Variants in DENND6A observed in about 807,000 individuals in gnomAD.
The protein encoded by DENND6A is protein DENND6A.
Under a neutral mutation model 95.5 loss-of-function variants are expected in DENND6A, and 43 were observed. The observed-to-expected ratio is 0.45, with a 90% CI of 0.35 to 0.58. DENND6A has a LOEUF of 0.58. DENND6A is among the 20% of genes least tolerant of loss of function. The pLI is 0.00. For missense variants in DENND6A, 574 were observed against 736.0 expected, an observed-to-expected ratio of 0.78 and a Z score of 2.55; for synonymous variants, 257 against 260.4, an observed-to-expected ratio of 0.99 and a Z score of 0.13.
intron 17 of DENND6A, 91 bp downstream of exon 17, chr3:57,630,624 T>G: frequency 6.5e-7 from 1 of 1,530,636 alleles, no homozygotes; most frequent in East Asian, 2.3e-5. Context: ...TTAGTAGAAT[T>G]TTTTAAAAAG....
intron 15 of DENND6A, among the ~76,000 whole-genome samples, chr3:57,632,043 C>T (rs1373184873): frequency 1.1e-5 from 1 of 93,664 alleles, no homozygotes; most frequent in African/African-American, 4.2e-5. Context: ...TTTTTTGAGA[C>T]GGAGTCTCAC....
chr3:57,662,191 T>C (rs952349450), intron 5 of DENND6A, among the ~76,000 whole-genome samples: 13 of 122,796 alleles, frequency 1.1e-4, no homozygotes, highest in Non-Finnish European at 1.4e-4. Flanking sequence ...TTTTCTTTTT[T>C]TTTTTTTTTT....
In DENND6A at chr3:57,663,620, T is replaced by G. The variant is rs910126483; in HGVS notation, c.513+16A>C. On this transcript the variant is annotated intron_variant, in intron 5 of 19. Coordinates refer to ENST00000311128, the MANE Select transcript of DENND6A (RefSeq NM_152678.3). ...AAATAAAAAATACTTTTTTTATTAG[T>G]GTGTATGACAATTACCTTCTGAAAG... is the stretch of plus-strand genomic sequence containing the variant. 6.5e-6 allele frequency: 10 copies of G among 1,537,634 alleles called. No homozygotes were observed. Among genetic ancestry groups the G allele is most frequent in the Non-Finnish European group, 3.5e-6 (4 of 1,135,104 alleles).
rs1300265268 is a variant in DENND6A, at chr3:57,628,213, A to G, written c.*1T>C. ...TTTTGGCTGGAAAATCTTGGCAAATATCATGTCATGCCCGTTTTGAGCAGT... is the reference window on the plus strand; with the variant it reads ...TTTTGGCTGGAAAATCTTGGCAAATGTCATGTCATGCCCGTTTTGAGCAGT... On this transcript the variant is annotated 3_prime_UTR_variant, in exon 20 of 20. Coordinates refer to ENST00000311128, the MANE Select transcript of DENND6A (RefSeq NM_152678.3). 1.9e-6 allele frequency: 3 copies of G among 1,611,316 alleles called. No homozygotes were observed. The Admixed American group carries it at 5.1e-5, about 27-fold the overall frequency.
intron 1 of DENND6A, among the ~76,000 whole-genome samples, chr3:57,672,870 T>C (rs1167632586): frequency 6.6e-6 from 1 of 151,920 alleles, no homozygotes; most frequent in Non-Finnish European, 1.5e-5. Context: ...TCAGAAATAG[T>C]TCACAGATGC....
At chr3:57,664,081 A>G (rs977208239) in intron 4 of DENND6A, among the ~76,000 whole-genome samples, 3 of 152,216 alleles carry the variant, frequency 2.0e-5, no homozygotes, top group African/African-American at 7.2e-5. Context: ...ATTCGTATCT[A>G]TACTAGGTGA....
chr3:57,633,157 A>G, intron 15 of DENND6A, 108 bp downstream of exon 15: 1 of 901,262 alleles, frequency 1.1e-6, no homozygotes, highest in Non-Finnish European at 1.7e-6. Context: ...TAAATATACC[A>G]GGCTGGCAAA....
Position 57,630,945 on chromosome 3 carries a change from T to G in DENND6A, c.1387A>C (p.Lys463Gln), listed in dbSNP as rs1384906699. Reference sequence around the variant, plus strand: ...CATACCTTCCATGGGGAAATACTTTTCTGCAAAGGCATCAAGCTTGCCACA... The same window carrying G: ...CATACCTTCCATGGGGAAATACTTTGCTGCAAAGGCATCAAGCTTGCCACA... ...RYVASLMPLQ[K>Q]SISPWKSPPQ... The change falls in exon 16 of 20, where the codon AAA becomes CAA. Residue 463 changes from lysine to glutamine, a missense_variant. By Grantham distance (53) the Lys-to-Gln change is moderately conservative. Around this residue, in one of 2 missense-constraint regions of DENND6A, gnomAD observed 452 missense variants for 630.9 expected, o/e 0.72. Transcript: ENST00000311128. 6.2e-7 allele frequency: 1 copy of G among 1,613,526 alleles called. No individual in the cohort carries two copies. Among genetic ancestry groups the G allele is most frequent in the Admixed American group, 1.7e-5 (1 of 59,874 alleles).
chr3:57,638,479 G>A (rs974217631), intron 12 of DENND6A, among the ~76,000 whole-genome samples: 1 of 151,184 alleles, frequency 6.6e-6, no homozygotes, highest in Non-Finnish European at 1.5e-5. Flanking sequence ...CCAACATGGT[G>A]AATCCCTGTC....
At chr3:57,680,735 T>C (rs1264808118) in intron 1 of DENND6A, among the ~76,000 whole-genome samples, 1 of 152,138 alleles carries the variant, frequency 6.6e-6, no homozygotes, top group Non-Finnish European at 1.5e-5. Flanking sequence ...AATTTTCAAA[T>C]GGGCACAAAT....
At chr3:57,675,001 G>A (rs1020551533) in intron 1 of DENND6A, among the ~76,000 whole-genome samples, 1 of 152,146 alleles carries the variant, frequency 6.6e-6, no homozygotes, top group African/African-American at 2.4e-5. Context: ...GGAGGGAGAG[G>A]AGCAGAAAAG....
chr3:57,672,954 G>A (rs1052637772), intron 1 of DENND6A, among the ~76,000 whole-genome samples: 1 of 151,888 alleles, frequency 6.6e-6, no homozygotes, highest in Non-Finnish European at 1.5e-5. Flanking sequence ...ATCCAGGCCA[G>A]GCATATTGGC....
chr3:57,634,451 A>AT, intron 14 of DENND6A, 107 bp downstream of exon 14: 1 of 479,962 alleles, frequency 2.1e-6, no homozygotes, highest in Non-Finnish European at 3.2e-6. Context: ...AAAAAAAAAA[A>AT]GGAGAGATCC....
rs532614795 is a variant in DENND6A, at chr3:57,627,054, C to G, written c.*1160G>C. ...AGAATAGTTCAGTTTAAAAAAATAG[C>G]TGATTATGAGATTTATAATTAAAAT... On this transcript the variant is annotated 3_prime_UTR_variant, in exon 20 of 20. Coordinates refer to ENST00000311128, the MANE Select transcript of DENND6A (RefSeq NM_152678.3). 2.0e-5 allele frequency: 3 copies of G among 152,164 alleles called. No individual in the cohort carries two copies. The highest frequency in any genetic ancestry group is 7.2e-5 in the African/African-American group (3 of 41,502). The allele number at this position is 152,164 out of a possible 1,614,324, so 9.4% of individuals were successfully genotyped here.
intron 9 of DENND6A, among the ~76,000 whole-genome samples, chr3:57,652,973 C>A (rs570168713): frequency 6.6e-6 from 1 of 152,178 alleles, no homozygotes; most frequent in Admixed American, 6.5e-5. Context: ...AACATTTGAA[C>A]TGGTCTTAGT....
intron 4 of DENND6A, chr3:57,665,858 T>G: frequency 3.1e-6 from 1 of 319,934 alleles, no homozygotes; most frequent in South Asian, 5.3e-5. Context: ...CAAGAATTTA[T>G]TAACAAATGA....
At chr3:57,681,772 T>C (rs904849448) in intron 1 of DENND6A, among the ~76,000 whole-genome samples, 1 of 152,160 alleles carries the variant, frequency 6.6e-6, no homozygotes, top group Admixed American at 6.5e-5. Context: ...TACTATGACA[T>C]GGATGAACGT....
At chr3:57,641,545 G>T in intron 12 of DENND6A, 108 bp downstream of exon 12, 1 of 839,958 alleles carries the variant, frequency 1.2e-6, no homozygotes, top group Non-Finnish European at 1.8e-6. Context: ...TTCTCCAAAG[G>T]CCTTGAAGAA....
chr3:57,662,014 AT>A (rs1445886369), intron 5 of DENND6A, among the ~76,000 whole-genome samples: 3 of 150,840 alleles, frequency 2.0e-5, no homozygotes, highest in African/African-American at 7.3e-5. Context: ...GATACAAATT[AT>A]CCCAATTTTT....
Sources: gnomAD v4.1 joint callset for allele counts (sites outside exome capture counted in the v4.1 genomes callset) on GRCh38, gnomAD v4.1.1 for gene constraint, gnomAD v4.1.1 regional missense constraint, MANE v1.5 for transcripts, NCBI Gene and HGNC (gene_info 2026-07-23, HGNC 2026-07-21) for gene names.